FRMPD4: variants seen among roughly 807,000 people sequenced by gnomAD.
FRMPD4 encodes the protein FERM and PDZ domain containing 4.
Under a neutral mutation model 94.1 loss-of-function variants are expected in FRMPD4, and 22 were observed. That is an observed-to-expected ratio of 0.23 (90% CI 0.17 to 0.33). FRMPD4 has a LOEUF of 0.33. FRMPD4 is among the 10% of genes least tolerant of loss of function. The pLI is 1.00. For synonymous variants in FRMPD4, 631 were observed against 548.6 expected, an observed-to-expected ratio of 1.15 and a Z score of -2.10; for missense variants, 1,111 against 1,339.9, an observed-to-expected ratio of 0.83 and a Z score of 2.67.
chrX:12,178,064 GA>G (rs913137539), intron 1 of FRMPD4, among the ~76,000 whole-genome samples: 5 of 111,213 alleles, frequency 4.5e-5, no homozygotes, highest in African/African-American at 1.6e-4. Flanking sequence ...GGGCCTTTGG[GA>G]GGTGATTAGG....
intron 1 of FRMPD4, 138 bp downstream of exon 1, chrX:12,139,150 T>G: frequency 2.2e-6 from 1 of 452,483 alleles, no homozygotes; most frequent in Non-Finnish European, 3.5e-6. Flanking sequence ...GCCGGGGGCT[T>G]CCACGTTCAA....
At chrX:12,418,312 G>T (rs762641024) in intron 1 of FRMPD4, among the ~76,000 whole-genome samples, 1 of 106,681 alleles carries the variant, frequency 9.4e-6, no homozygotes, top group Non-Finnish European at 1.9e-5. Context: ...AGGCCCAGCC[G>T]ATGACTCAGG....
At position 12,166,455 on chromosome X, in the gene FRMPD4, G is replaced by A. The variant is rs1249679329; in HGVS notation, c.41+27443G>A. On this transcript the variant is annotated intron_variant, in intron 1 of 16. Transcript: ENST00000675598. Reference sequence around the variant, plus strand: ...ATGTGTTGCTGGATTCGGTTTGCCAGTATTTTATTGAGGATTTTTGCATCA... The same window carrying A: ...ATGTGTTGCTGGATTCGGTTTGCCAATATTTTATTGAGGATTTTTGCATCA... Among the ~76,000 whole-genome samples the A allele has an allele frequency of 2.7e-5, 3 of 111,395 alleles. No individual in the cohort carries two copies. The South Asian group carries it at 1.1e-3, about 42-fold the overall frequency.
chrX:12,607,049 AG>A (rs746104035), intron 2 of FRMPD4, among the ~76,000 whole-genome samples: 2 of 111,135 alleles, frequency 1.8e-5, no homozygotes. Flanking sequence ...AGGTCCTACT[AG>A]TGTCCTGGGT....
intron 1 of FRMPD4, among the ~76,000 whole-genome samples, chrX:11,845,374 A>C (rs910597445): frequency 8.9e-6 from 1 of 111,996 alleles, no homozygotes; most frequent in East Asian, 2.8e-4. Context: ...ATCTGAACTT[A>C]TGGCAATAAT....
chrX:12,357,268 A>G (rs2055908696), intron 1 of FRMPD4, among the ~76,000 whole-genome samples: 1 of 111,963 alleles, frequency 8.9e-6, no homozygotes, highest in Non-Finnish European at 1.9e-5. Context: ...AAAGATTTTA[A>G]ATTCCTTAAC....
At chrX:12,589,758 C>A (rs1411047716) in intron 2 of FRMPD4, among the ~76,000 whole-genome samples, 1 of 111,871 alleles carries the variant, frequency 8.9e-6, no homozygotes, top group Admixed American at 9.5e-5. Flanking sequence ...CATTCCAAGG[C>A]AGCCTTTTTC....
At chrX:12,225,568 C>T (rs1214655402) in intron 1 of FRMPD4, among the ~76,000 whole-genome samples, 1 of 111,981 alleles carries the variant, frequency 8.9e-6, no homozygotes, top group African/African-American at 3.2e-5. Context: ...CTGCCCTCCT[C>T]CTTTTTTATT....
In FRMPD4 at chrX:12,442,852, T is replaced by A. The variant is rs184995542; in HGVS notation, c.42-55828T>A. ...ACACAGATATTCATAAAGTGATGAA[T>A]GATAAAGAAAATAGGATGTATCCAT... On this transcript the variant is annotated intron_variant, in intron 1 of 16. Coordinates refer to ENST00000675598, the MANE Select transcript of FRMPD4 (RefSeq NM_001368397.1). Among the ~76,000 whole-genome samples the A allele has an allele frequency of 4.5e-5, 5 of 111,881 alleles. No homozygotes were observed. In the Admixed American group the frequency reaches 4.7e-4, roughly 11 times the overall value.
At position 12,486,669 on chromosome X, in the gene FRMPD4, A is replaced by G. The variant is rs150868298; in HGVS notation, c.42-12011A>G. Among the ~76,000 whole-genome samples the G allele has an allele frequency of 2.8e-3, 313 of 112,679 alleles. 1 individual carries two copies. Among genetic ancestry groups the G allele is most frequent in the African/African-American group, 9.7e-3 (300 of 31,052 alleles). ...ATTATTCCATGATATAGAAATATTG[A>G]GAGCTTATTGTCTTCTTAGTGTTTT... On this transcript the variant is annotated intron_variant, in intron 1 of 16. Transcript: ENST00000675598.
At chrX:12,070,991 T>G (rs1442198204) in intron 3 of FRMPD4, among the ~76,000 whole-genome samples, 1 of 112,098 alleles carries the variant, frequency 8.9e-6, no homozygotes, top group Non-Finnish European at 1.9e-5. Flanking sequence ...CTTTTTGTCT[T>G]AGAAAATTAT....
At chrX:12,450,185 A>C (rs1365252579) in intron 1 of FRMPD4, among the ~76,000 whole-genome samples, 1 of 111,048 alleles carries the variant, frequency 9.0e-6, no homozygotes, top group Non-Finnish European at 1.9e-5. Context: ...ATAGGGATAA[A>C]ACATCCTAAC....
intron 1 of FRMPD4, among the ~76,000 whole-genome samples, chrX:12,231,010 G>GTATGTA (rs1555938195): frequency 0.04 from 1,532 of 38,371 alleles, 88 homozygotes; most frequent in Non-Finnish European, 0.052. Flanking sequence ...ATAATATATA[G>GTATGTA]TATATATAGT....
chrX:12,309,691 CAGATACTAT>C (rs1463864087), intron 1 of FRMPD4, among the ~76,000 whole-genome samples: 1 of 112,368 alleles, frequency 8.9e-6, no homozygotes, highest in Non-Finnish European at 1.9e-5. Flanking sequence ...ATGGAACACG[CAGATACTAT>C]AGCCTAATAT....
intron 2 of FRMPD4, among the ~76,000 whole-genome samples, chrX:12,564,405 T>C (rs2058691424): frequency 8.9e-6 from 1 of 112,174 alleles, no homozygotes; most frequent in Admixed American, 9.5e-5. Flanking sequence ...AATAAAATAA[T>C]GACAAATGAT....
intron 3 of FRMPD4, among the ~76,000 whole-genome samples, chrX:12,120,363 G>A (rs1011284): frequency 0.076 from 8,521 of 111,649 alleles, 860 homozygotes; most frequent in East Asian, 0.58. Flanking sequence ...TAGTTATTGC[G>A]TCACAAAATT....
intron 3 of FRMPD4, among the ~76,000 whole-genome samples, chrX:11,989,899 G>A (rs2054454765): frequency 8.9e-6 from 1 of 112,086 alleles, no homozygotes. Context: ...AAGGAGTTTA[G>A]TGATTCCTCA....
At chrX:12,045,347 G>A (rs757438130) in intron 3 of FRMPD4, among the ~76,000 whole-genome samples, 113 of 111,889 alleles carry the variant, frequency 1.0e-3, no homozygotes, top group African/African-American at 3.6e-3. Context: ...TATGTTTGAT[G>A]TTTACTTCCG....
chrX:12,359,563 G>A (rs1325632981), intron 1 of FRMPD4, among the ~76,000 whole-genome samples: 2 of 109,150 alleles, frequency 1.8e-5, no homozygotes, highest in Admixed American at 9.8e-5. Context: ...TGCCTCCCAG[G>A]TTTGAGCGAT....
Sources: allele counts gnomAD v4.1 joint callset (sites outside exome capture counted in the v4.1 genomes callset), GRCh38; gene constraint gnomAD v4.1.1; transcripts MANE v1.5; gene names NCBI Gene and HGNC (gene_info 2026-07-23, HGNC 2026-07-21).